VPS50: variants seen among roughly 807,000 people sequenced by gnomAD.
VPS50 encodes VPS50 subunit of EARP/GARPII complex, also known as syndetin.
Under a neutral mutation model 139.7 loss-of-function variants are expected in VPS50, and 70 were observed. The ratio of observed to expected loss-of-function variants is 0.50; its 90% confidence interval spans 0.41 to 0.61. The LOEUF is 0.61. Among genes scored for constraint, VPS50 ranks in the 20% least tolerant of loss-of-function variants. The probability of loss-of-function intolerance (pLI) is 0.00; values close to 1 mark genes in which losing one functional copy is unlikely to be tolerated. For missense variants in VPS50, 921 were observed against 1,133.7 expected (o/e 0.81, Z 2.69); for synonymous variants, 365 against 376.7 (o/e 0.97, Z 0.36).
At chr7:93,344,527 C>G (rs1349952935) in intron 23 of VPS50, among the ~76,000 whole-genome samples, 1 of 152,200 alleles carries the variant, frequency 6.6e-6, no homozygotes, top group Non-Finnish European at 1.5e-5. Context: ...ACAGAACATA[C>G]ATTTTTTGCA....
chr7:93,303,857 G>A (rs560877831), intron 17 of VPS50, among the ~76,000 whole-genome samples: 2 of 151,916 alleles, frequency 1.3e-5, no homozygotes, highest in South Asian at 4.2e-4. Context: ...GGTGACTGCT[G>A]TATTTAAGTT....
intron 2 of VPS50, among the ~76,000 whole-genome samples, chr7:93,243,608 G>A (rs1242926345): frequency 6.6e-6 from 1 of 151,928 alleles, no homozygotes; most frequent in Admixed American, 6.6e-5. Context: ...TTCATGCAGA[G>A]TTAAAGATAT....
intron 21 of VPS50, among the ~76,000 whole-genome samples, chr7:93,330,046 G>A (rs1584476416): frequency 1.3e-5 from 2 of 152,182 alleles, no homozygotes; most frequent in Non-Finnish European, 2.9e-5. Context: ...CCATAGAGCT[G>A]TTTAACACTG....
intron 2 of VPS50, among the ~76,000 whole-genome samples, chr7:93,241,334 T>C (rs1794982618): frequency 6.6e-6 from 1 of 152,058 alleles, no homozygotes; most frequent in Non-Finnish European, 1.5e-5. Flanking sequence ...GTCTGTACTT[T>C]TAGGATAACT....
At chr7:93,271,037 A>T in intron 9 of VPS50, 183 bp from the exon 10 acceptor site, 1 of 851,966 alleles carries the variant, frequency 1.2e-6, no homozygotes, top group Non-Finnish European at 1.6e-6. Flanking sequence ...GCTGCTAATG[A>T]CTCTTATTCC....
chr7:93,252,710 A>G lies in VPS50; in HGVS notation c.160A>G (p.Ile54Val). 2 of 1,590,192 alleles carry G rather than the reference A, an allele frequency of 1.3e-6. No homozygotes were observed. The highest frequency in any genetic ancestry group is 1.7e-6 in the Non-Finnish European group (2 of 1,160,720). Residue 54 changes from isoleucine (I) to valine (V), a missense_variant, in exon 3 of 28, where the codon ATT (isoleucine) becomes GTT (valine). This residue lies in a region of VPS50 where 744 missense variants were observed against 930.6 expected (regional missense o/e 0.80). Transcript: ENST00000305866. ...PSDPQAEQEL[I>V]NSIEQVYFSV... ...TGACCCTCAAGCTGAACAAGAGCTT[A>G]TTAATAGTATTGAACAAGTATATTT...
At chr7:93,271,895 T>C (rs965206974) in intron 10 of VPS50, among the ~76,000 whole-genome samples, 6 of 151,834 alleles carry the variant, frequency 4.0e-5, no homozygotes, top group African/African-American at 1.4e-4. Context: ...AAGTTGAGAT[T>C]GGACTTTCAA....
At chr7:93,262,216 G>A (rs1795708011) in intron 9 of VPS50, among the ~76,000 whole-genome samples, 1 of 152,164 alleles carries the variant, frequency 6.6e-6, no homozygotes. Context: ...AATTGAGGGA[G>A]CAGGTGATGT....
At chr7:93,275,704 G>A (rs1796134288) in intron 11 of VPS50, 1 of 155,012 alleles carries the variant, frequency 6.5e-6, no homozygotes. Flanking sequence ...AGTAACAAAT[G>A]TTACAAAGAA....
chr7:93,232,510 G>C lies in VPS50; in HGVS notation c.33+10G>C. ...TCTCATGACCCGACAGGTAAGTCGC[G>C]GCGGCTGAAGCAAAGGCTTCCTTCA... On this transcript the variant is annotated intron_variant, in intron 1 of 27. Transcript: ENST00000305866. 6.2e-7 allele frequency: 1 copy of C among 1,612,166 alleles called. No individual in the cohort carries two copies. The highest frequency in any genetic ancestry group is 8.5e-7 in the Non-Finnish European group (1 of 1,178,392).
intron 14 of VPS50, among the ~76,000 whole-genome samples, chr7:93,294,910 A>T (rs955039730): frequency 2.0e-5 from 3 of 152,200 alleles, no homozygotes; most frequent in African/African-American, 2.4e-5. Context: ...TTCCACTATC[A>T]TAGAGAAATG....
chr7:93,276,484 C>G, intron 12 of VPS50, 179 bp downstream of exon 12: 1 of 1,011,358 alleles, frequency 9.9e-7, no homozygotes, highest in Non-Finnish European at 1.3e-6. Flanking sequence ...GACTCAGTCA[C>G]ACAAATGGTA....
At chr7:93,345,826 C>T (rs1053370288) in intron 23 of VPS50, among the ~76,000 whole-genome samples, 17 of 152,092 alleles carry the variant, frequency 1.1e-4, no homozygotes, top group Non-Finnish European at 2.2e-4. Context: ...TGGGATGTAT[C>T]GCAAAATAAT....
intron 21 of VPS50, among the ~76,000 whole-genome samples, chr7:93,325,423 T>C (rs1797740282): frequency 6.6e-6 from 1 of 151,826 alleles, no homozygotes. Context: ...CCAAAAGCAA[T>C]GGCAACAAAA....
At chr7:93,351,190 G>A (rs992123839) in intron 25 of VPS50, among the ~76,000 whole-genome samples, 7 of 152,078 alleles carry the variant, frequency 4.6e-5, no homozygotes, top group African/African-American at 1.7e-4. Context: ...AGATCTTAGC[G>A]GGGAATGACA....
At chr7:93,323,564 G>T (rs749055841) in intron 20 of VPS50, 47 bp from the exon 21 acceptor site, 2 of 788,768 alleles carry the variant, frequency 2.5e-6, no homozygotes, top group South Asian at 3.4e-5. Context: ...TAGACTAACA[G>T]ATTTTAATTT....
intron 9 of VPS50, among the ~76,000 whole-genome samples, chr7:93,265,718 C>G (rs1032561932): frequency 6.6e-6 from 1 of 152,098 alleles, no homozygotes; most frequent in Non-Finnish European, 1.5e-5. Context: ...GCACACGCCA[C>G]TACACCCGGC....
At chr7:93,355,148 TAAATA>T (rs1798669820) in intron 26 of VPS50, among the ~76,000 whole-genome samples, 1 of 151,856 alleles carries the variant, frequency 6.6e-6, no homozygotes, top group Non-Finnish European at 1.5e-5. Context: ...TTGGTCATTT[TAAATA>T]AAATAAGCTT....
At position 93,358,552 on chromosome 7, in the gene VPS50, T is replaced by C; in HGVS notation, c.*116T>C. 4.8e-6 allele frequency: 4 copies of C among 829,868 alleles called. No homozygotes were observed. The highest frequency in any genetic ancestry group is 7.7e-6 in the Non-Finnish European group (4 of 517,102). 51.4% of individuals were successfully genotyped at this position (829,868 alleles called of 1,614,324 possible). A position where few individuals can be genotyped will look rare whatever the true frequency, so the allele number is the denominator to read the frequency against. On this transcript the variant is annotated 3_prime_UTR_variant, in exon 28 of 28. Transcript: ENST00000305866. The stretch of plus-strand genomic sequence containing the variant: ...CTGCTAAGAAAACTTTGTGCATGTT[T>C]TTTTGACTGGAAAGTGGAAAATATT...
Sources: allele counts gnomAD v4.1 joint callset (sites outside exome capture counted in the v4.1 genomes callset), GRCh38; gene constraint gnomAD v4.1.1; regional missense constraint gnomAD v4.1.1; transcripts MANE v1.5; gene names NCBI Gene and HGNC (gene_info 2026-07-23, HGNC 2026-07-21).